Variants in PPM1H observed in about 807,000 individuals in gnomAD.
PPM1H encodes protein phosphatase 1H.
Under a neutral mutation model 54.9 loss-of-function variants are expected in PPM1H, and 27 were observed. That is an observed-to-expected ratio of 0.49 (90% CI 0.36 to 0.68). PPM1H has a LOEUF of 0.68. Among genes scored for constraint, PPM1H ranks in the 30% least tolerant of loss-of-function variants. PPM1H has a pLI of 0.00. For missense variants in PPM1H, 596 were observed against 667.8 expected, an observed-to-expected ratio of 0.89 and a Z score of 1.19; for synonymous variants, 305 against 270.8, an observed-to-expected ratio of 1.13 and a Z score of -1.24.
rs990646750 is a variant in PPM1H at position 62,645,351 on chromosome 12, T to TAAAC, written c.*3134_*3137dup. On this transcript the variant is annotated 3_prime_UTR_variant, in exon 10 of 10. Coordinates refer to ENST00000228705, the MANE Select transcript of PPM1H (RefSeq NM_020700.2). The stretch of plus-strand genomic sequence containing the variant: ...TTAAGTTGTTCAAGAATTTAAAAAG[T>TAAAC]AAACACCCCAAATCCTCCAAAATGG... 3.9e-5 allele frequency: 6 copies of TAAAC among 152,200 alleles called. No homozygotes were observed. The highest frequency in any genetic ancestry group is 5.9e-5 in the Non-Finnish European group (4 of 68,040). 9.4% of individuals were successfully genotyped at this position (152,200 alleles called of 1,614,324 possible).
At chr12:62,750,142 C>T (rs946086951) in intron 4 of PPM1H, among the ~76,000 whole-genome samples, 2 of 151,856 alleles carry the variant, frequency 1.3e-5, no homozygotes, top group Non-Finnish European at 2.9e-5. Context: ...TAAAATATAC[C>T]CTCTTAAAGT....
chr12:62,664,661 TA>T (rs1385285675), intron 9 of PPM1H, among the ~76,000 whole-genome samples: 1 of 152,240 alleles, frequency 6.6e-6, no homozygotes, highest in Non-Finnish European at 1.5e-5. Context: ...ATAGTCAAGG[TA>T]TATTTAAATA....
At chr12:62,785,974 A>G (rs186884439) in intron 4 of PPM1H, among the ~76,000 whole-genome samples, 1 of 152,186 alleles carries the variant, frequency 6.6e-6, no homozygotes. Context: ...GACTCAGGTC[A>G]TCTGGTGAAA....
chr12:62,748,546 A>G (rs2076425106), intron 4 of PPM1H, among the ~76,000 whole-genome samples: 1 of 151,858 alleles, frequency 6.6e-6, no homozygotes. Context: ...ACACACACAC[A>G]CACACACACA....
intron 1 of PPM1H, among the ~76,000 whole-genome samples, chr12:62,836,429 T>A (rs918267853): frequency 6.6e-6 from 1 of 152,246 alleles, no homozygotes; most frequent in Admixed American, 6.5e-5. Context: ...AGCCAGAGAC[T>A]GCTGTTAATA....
At chr12:62,875,523 A>C (rs540279278) in intron 1 of PPM1H, among the ~76,000 whole-genome samples, 21 of 152,230 alleles carry the variant, frequency 1.4e-4, no homozygotes, top group Non-Finnish European at 2.4e-4. Flanking sequence ...TTCAGACAAC[A>C]AAATTAGGCT....
intron 9 of PPM1H, among the ~76,000 whole-genome samples, chr12:62,665,583 T>A (rs942835634): frequency 6.6e-6 from 1 of 152,238 alleles, no homozygotes; most frequent in Non-Finnish European, 1.5e-5. Context: ...AATTTTCTAG[T>A]TCACCAGTGT....
intron 4 of PPM1H, among the ~76,000 whole-genome samples, chr12:62,766,175 T>C (rs1190678864): frequency 6.6e-6 from 1 of 152,082 alleles, no homozygotes; most frequent in Non-Finnish European, 1.5e-5. Context: ...TCAGGGTAAA[T>C]TATCCTAGGT....
chr12:62,909,543 A>G (rs1871394693), intron 1 of PPM1H, among the ~76,000 whole-genome samples: 1 of 152,136 alleles, frequency 6.6e-6, no homozygotes, highest in Non-Finnish European at 1.5e-5. Context: ...TCTGCTGGCC[A>G]GCACACTCTT....
intron 2 of PPM1H, among the ~76,000 whole-genome samples, chr12:62,807,289 A>G (rs1414457907): frequency 6.6e-6 from 1 of 152,228 alleles, no homozygotes; most frequent in Non-Finnish European, 1.5e-5. Flanking sequence ...TTTTTAAAAG[A>G]TCACTCAAGC....
At chr12:62,714,280 C>T (rs535302750) in intron 6 of PPM1H, among the ~76,000 whole-genome samples, 2 of 152,048 alleles carry the variant, frequency 1.3e-5, no homozygotes, top group Non-Finnish European at 2.9e-5. Flanking sequence ...GGCTACTGTG[C>T]TCGAGAGCAC....
At position 62,785,974 on chromosome 12, in the gene PPM1H, A is replaced by T. The variant is rs186884439; in HGVS notation, c.869+2252T>A. 3.3e-5 allele frequency among the ~76,000 whole-genome samples: 5 copies of T among 152,300 alleles called. No homozygotes were observed. The East Asian group carries it at 9.6e-4, about 29-fold the overall frequency. On this transcript the variant is annotated intron_variant, in intron 4 of 9. Transcript: ENST00000228705. ...GTTGAGTTAACTTCTGACTCAGGTC[A>T]TCTGGTGAAAGGCACTTCCCTGGGA...
At chr12:62,741,367 T>C (rs569030363) in intron 4 of PPM1H, among the ~76,000 whole-genome samples, 23 of 152,170 alleles carry the variant, frequency 1.5e-4, no homozygotes, top group Non-Finnish European at 3.4e-4. Flanking sequence ...TGTTCTGCCC[T>C]CCTCTGCCCC....
At chr12:62,760,469 C>T (rs2076502023) in intron 4 of PPM1H, among the ~76,000 whole-genome samples, 1 of 152,170 alleles carries the variant, frequency 6.6e-6, no homozygotes, top group African/African-American at 2.4e-5. Context: ...TCTTCTTCAG[C>T]CTCTGCTCCC....
In PPM1H at chr12:62,894,358, G is replaced by A. The variant is rs962014694; in HGVS notation, c.245+40134C>T. ...AAGGCAAGGGCAAGAATATACAGTA[G>A]CCAAGACCCAAAAAGGTATTTAGAT... On this transcript the variant is annotated intron_variant, in intron 1 of 9. Coordinates refer to ENST00000228705, the MANE Select transcript of PPM1H (RefSeq NM_020700.2). 3.3e-5 allele frequency among the ~76,000 whole-genome samples: 5 copies of A among 152,232 alleles called. 1 individual carries two copies. Among genetic ancestry groups the A allele is most frequent in the Middle Eastern group, 3.4e-3 (1 of 294 alleles).
chr12:62,835,259 GTTA>G (rs1868468458), intron 1 of PPM1H, among the ~76,000 whole-genome samples: 1 of 152,150 alleles, frequency 6.6e-6, no homozygotes, highest in Non-Finnish European at 1.5e-5. Flanking sequence ...TCCCTGAGTG[GTTA>G]TTAAACTCCA....
At position 62,771,665 on chromosome 12, in the gene PPM1H, T is replaced by C. The variant is rs371805348; in HGVS notation, c.869+16561A>G. Among the ~76,000 whole-genome samples, 4 of 152,346 alleles carry C rather than the reference T, an allele frequency of 2.6e-5. No individual in the cohort carries two copies. In the East Asian group the frequency reaches 7.7e-4, roughly 29 times the overall value. ...TAGTAGCAGTGGCAGAAATAATATA[T>C]TGATAATCACTGTTGATAACTAGCA... On this transcript the variant is annotated intron_variant, in intron 4 of 9. Transcript: ENST00000228705.
intron 6 of PPM1H, among the ~76,000 whole-genome samples, chr12:62,695,903 C>T (rs2076112531): frequency 6.6e-6 from 1 of 152,120 alleles, no homozygotes; most frequent in South Asian, 2.1e-4. Flanking sequence ...AGTGAGGAGA[C>T]AGGCCCGCAC....
intron 1 of PPM1H, among the ~76,000 whole-genome samples, chr12:62,843,064 C>T (rs1474256980): frequency 6.6e-6 from 1 of 152,184 alleles, no homozygotes; most frequent in South Asian, 2.1e-4. Context: ...GCTTGTAATT[C>T]CAGCACTTTG....
Sources: allele counts gnomAD v4.1 joint callset (sites outside exome capture counted in the v4.1 genomes callset), GRCh38; gene constraint gnomAD v4.1.1; transcripts MANE v1.5; gene names NCBI Gene and HGNC (gene_info 2026-07-23, HGNC 2026-07-21).